RAB3B: variants seen among roughly 807,000 people sequenced by gnomAD.
RAB3B encodes ras-related protein Rab-3B.
RAB3B carries 11 observed loss-of-function variants against 20.5 expected under a neutral mutation model. The observed-to-expected ratio is 0.54, with a 90% CI of 0.34 to 0.89. The LOEUF is 0.89. RAB3B is among the 40% of genes least tolerant of loss of function. The pLI is 0.02. For synonymous variants in RAB3B, 99 were observed against 106.3 expected (o/e 0.93, Z 0.42); for missense variants, 225 against 280.9 (o/e 0.80, Z 1.42).
At chr1:51,941,611 G>A (rs1684495501) in intron 2 of RAB3B, among the ~76,000 whole-genome samples, 1 of 152,196 alleles carries the variant, frequency 6.6e-6, no homozygotes, top group Admixed American at 6.5e-5. Context: ...GTTTCTGTCA[G>A]GGCTTGGCTT....
intron 2 of RAB3B, among the ~76,000 whole-genome samples, chr1:51,972,470 C>T (rs115306470): frequency 1.0e-3 from 158 of 150,588 alleles, no homozygotes; most frequent in African/African-American, 3.7e-3. Flanking sequence ...ACAGTATACA[C>T]TATGCTTTTT....
chr1:51,916,297 C>T lies in RAB3B; in HGVS notation c.*3630G>A, dbSNP rs1684084171. 1 of 152,166 alleles carries T rather than the reference C, an allele frequency of 6.6e-6. No individual in the cohort carries two copies. The highest frequency in any genetic ancestry group is 1.5e-5 in the Non-Finnish European group (1 of 68,040). The allele number at this position is 152,166 out of a possible 1,614,324, so 9.4% of individuals were successfully genotyped here. A position where few individuals can be genotyped will look rare whatever the true frequency, so the allele number is the denominator to read the frequency against. On this transcript the variant is annotated 3_prime_UTR_variant, in exon 5 of 5. Coordinates refer to ENST00000371655, the MANE Select transcript of RAB3B (RefSeq NM_002867.4). ...CCATCTATTGTGAAGATGCTTGTTC[C>T]CTTGAACTGGCTCCTGAGTTTTACA...
At chr1:51,932,787 T>G (rs1017704405) in intron 4 of RAB3B, among the ~76,000 whole-genome samples, 1 of 152,178 alleles carries the variant, frequency 6.6e-6, no homozygotes, top group African/African-American at 2.4e-5. Context: ...ATGGGTTTGT[T>G]TTTATACTAG....
At chr1:51,927,363 G>T (rs560136966) in intron 4 of RAB3B, among the ~76,000 whole-genome samples, 1 of 152,326 alleles carries the variant, frequency 6.6e-6, no homozygotes, top group East Asian at 1.9e-4. Flanking sequence ...GACAGCAAAT[G>T]CAATGCTCAA....
chr1:51,974,897 C>T (rs1001159997), intron 2 of RAB3B, among the ~76,000 whole-genome samples: 2 of 152,214 alleles, frequency 1.3e-5, no homozygotes, highest in African/African-American at 4.8e-5. Context: ...ACATTTAACA[C>T]GCAGAATAGA....
rs187510010 is a variant in RAB3B, at chr1:51,951,590, T to C, written c.229-14178A>G. On this transcript the variant is annotated intron_variant, in intron 2 of 4. Coordinates refer to ENST00000371655, the MANE Select transcript of RAB3B (RefSeq NM_002867.4). ...TGTAATCCCAGCTGAGGTGGGAGAA[T>C]TGCTTGAGCCCTGGAGTTGGAGACC... 7.9e-5 allele frequency among the ~76,000 whole-genome samples: 12 copies of C among 152,230 alleles called. No individual in the cohort carries two copies. In the East Asian group the frequency reaches 2.1e-3, roughly 27 times the overall value.
At chr1:51,990,150 C>T (rs1310989168) in intron 1 of RAB3B, among the ~76,000 whole-genome samples, 1 of 126,234 alleles carries the variant, frequency 7.9e-6, no homozygotes, top group African/African-American at 3.1e-5. Context: ...CTTCACCGCC[C>T]CCTTCGCTGC....
At chr1:51,935,037 T>C (rs1353293711) in intron 3 of RAB3B, among the ~76,000 whole-genome samples, 3 of 152,042 alleles carry the variant, frequency 2.0e-5, no homozygotes, top group Non-Finnish European at 4.4e-5. Context: ...TTTGTCTCTC[T>C]CCCTGAGGGC....
At chr1:51,969,688 GA>G (rs1684902550) in intron 2 of RAB3B, among the ~76,000 whole-genome samples, 2 of 152,140 alleles carry the variant, frequency 1.3e-5, no homozygotes, top group Non-Finnish European at 2.9e-5. Flanking sequence ...AGGTGGGGAA[GA>G]AAAGGAATGC....
At chr1:51,971,097 A>G (rs1259943782) in intron 2 of RAB3B, among the ~76,000 whole-genome samples, 2 of 151,970 alleles carry the variant, frequency 1.3e-5, no homozygotes, top group Admixed American at 1.3e-4. Flanking sequence ...AAGGAACCCA[A>G]TATTTATTGC....
At chr1:51,931,765 T>C (rs1033799810) in intron 4 of RAB3B, among the ~76,000 whole-genome samples, 5 of 152,002 alleles carry the variant, frequency 3.3e-5, no homozygotes. Flanking sequence ...AAAGGTTTCA[T>C]AGAAGATGTG....
chr1:51,934,494 G>T (rs991774326), intron 3 of RAB3B, among the ~76,000 whole-genome samples: 1 of 152,032 alleles, frequency 6.6e-6, no homozygotes, highest in Non-Finnish European at 1.5e-5. Context: ...CTTTTTGGCC[G>T]GGTGCGCTGG....
At chr1:51,967,149 C>T (rs1191084641) in intron 2 of RAB3B, among the ~76,000 whole-genome samples, 5 of 152,042 alleles carry the variant, frequency 3.3e-5, no homozygotes, top group Non-Finnish European at 7.4e-5. Flanking sequence ...CCTGTCTCTA[C>T]TAAAAATAGA....
At chr1:51,989,133 A>ACACACC (rs57025489) in intron 1 of RAB3B, among the ~76,000 whole-genome samples, 1 of 144,332 alleles carries the variant, frequency 6.9e-6, no homozygotes, top group Non-Finnish European at 1.5e-5. Flanking sequence ...ACACACACAC[A>ACACACC]TCCTCTCCTT....
intron 2 of RAB3B, among the ~76,000 whole-genome samples, chr1:51,963,140 C>T (rs1684805291): frequency 6.6e-6 from 1 of 152,142 alleles, no homozygotes; most frequent in Non-Finnish European, 1.5e-5. Context: ...ATCTCTGACC[C>T]CACCTCAGTA....
intron 2 of RAB3B, among the ~76,000 whole-genome samples, chr1:51,945,051 T>C (rs916404449): frequency 1.3e-5 from 2 of 152,198 alleles, no homozygotes; most frequent in African/African-American, 4.8e-5. Context: ...CACCCCAGTC[T>C]TCAGCAACCA....
chr1:51,989,846 C>G (rs1475494062), intron 1 of RAB3B, among the ~76,000 whole-genome samples: 1 of 150,968 alleles, frequency 6.6e-6, no homozygotes, highest in Admixed American at 6.6e-5. Context: ...CACGCCGGTC[C>G]CCAGCCGGGC....
At position 51,914,909 on chromosome 1, in the gene RAB3B, G is replaced by A. The variant is rs1202541957; in HGVS notation, c.*5018C>T. On this transcript the variant is annotated 3_prime_UTR_variant, in exon 5 of 5. Transcript: ENST00000371655. The stretch of plus-strand genomic sequence containing the variant: ...CCGGCAGGAGCAGGTGATATGAGTT[G>A]GGGAGTCAGGTCTGGAGAATGGTCT... 2.6e-5 allele frequency: 4 copies of A among 152,304 alleles called. No individual in the cohort carries two copies. The highest frequency in any genetic ancestry group is 9.6e-5 in the African/African-American group (4 of 41,572). The allele number at this position is 152,304 out of a possible 1,614,324, so 9.4% of individuals were successfully genotyped here.
chr1:51,926,920 T>C (rs1266735062), intron 4 of RAB3B, among the ~76,000 whole-genome samples: 1 of 152,238 alleles, frequency 6.6e-6, no homozygotes, highest in East Asian at 1.9e-4. Context: ...ACTGGTTTAC[T>C]GTACTGGTGA....
Sources: allele counts gnomAD v4.1 joint callset (sites outside exome capture counted in the v4.1 genomes callset), GRCh38; gene constraint gnomAD v4.1.1; transcripts MANE v1.5; gene names NCBI Gene and HGNC (gene_info 2026-07-23, HGNC 2026-07-21).